The following TWF1 variants were observed in gnomAD, a reference collection of about 807,000 sequenced individuals.
TWF1 encodes the protein twinfilin actin binding protein 1, also known as twinfilin-1.
In TWF1, 14 loss-of-function variants were observed where a neutral mutation model predicts 47.9. That is an observed-to-expected ratio of 0.29 (90% CI 0.19 to 0.46). The LOEUF is 0.46. TWF1 is among the 20% of genes least tolerant of loss of function. The pLI, the probability that TWF1 is intolerant of heterozygous loss-of-function variation, is 1.00. For missense variants in TWF1, 281 were observed against 409.3 expected, an observed-to-expected ratio of 0.69 and a Z score of 2.70; for synonymous variants, 96 against 139.2, an observed-to-expected ratio of 0.69 and a Z score of 2.18.
chr12:43,796,731 G>GA, intron 8 of TWF1, among the ~76,000 whole-genome samples: 1 of 152,178 alleles, frequency 6.6e-6, no homozygotes, highest in East Asian at 1.9e-4. Context: ...GTGGAATTAA[G>GA]AAACAGAACT....
At position 43,794,168 on chromosome 12, in the gene TWF1, C is replaced by T. The variant is rs1942510122; in HGVS notation, c.*1417G>A. Reference sequence around the variant, plus strand: ...GTGTATGTGTGTCTGTCTACGTGTACACCCATGGAACAACTTATATCTTTA... The same window carrying T: ...GTGTATGTGTGTCTGTCTACGTGTATACCCATGGAACAACTTATATCTTTA... On this transcript the variant is annotated 3_prime_UTR_variant, in exon 9 of 9. Transcript: ENST00000395510. 1 of 152,572 alleles carries T rather than the reference C, an allele frequency of 6.6e-6. No homozygotes were observed. The highest frequency in any genetic ancestry group is 2.4e-5 in the African/African-American group (1 of 41,430). 9.5% of individuals were successfully genotyped at this position (152,572 alleles called of 1,614,324 possible). A position where few individuals can be genotyped will look rare whatever the true frequency, so the allele number is the denominator to read the frequency against.
At chr12:43,802,602 G>T in intron 2 of TWF1, 138 bp from the exon 3 acceptor site, 1 of 645,232 alleles carries the variant, frequency 1.5e-6, no homozygotes, top group Non-Finnish European at 2.6e-6. Context: ...AGAAAAATGT[G>T]GTAACATAGA....
chr12:43,805,308 C>CA (rs1364668422), intron 1 of TWF1, among the ~76,000 whole-genome samples: 4 of 151,638 alleles, frequency 2.6e-5, no homozygotes, highest in Non-Finnish European at 4.4e-5. Flanking sequence ...ATAAATAAAA[C>CA]AAAGTTTTCA....
chr12:43,800,526 C>T lies in TWF1; in HGVS notation c.287G>A (p.Arg96His), dbSNP rs1942640490. The change falls in exon 4 of 9, where the codon CGT (arginine) becomes CAT (histidine). Residue 96 changes from arginine (R) to histidine (H), a missense_variant. Physicochemically the swap from Arg to His is conservative, Grantham distance 29 (BLOSUM62 0). Coordinates refer to ENST00000395510, the MANE Select transcript of TWF1 (RefSeq NM_002822.5). ...IAWSPDHSHV[R>H]QKMLYAATRA... ...TGTTGCTGCATACAACATTTTTTGA[C>T]GAACCTATTCAGTTGTGAAAGTTTA... 1.9e-6 allele frequency: 3 copies of T among 1,612,208 alleles called. No homozygotes were observed. Among genetic ancestry groups the T allele is most frequent in the South Asian group, 1.1e-5 (1 of 90,854 alleles).
intron 1 of TWF1, 89 bp downstream of exon 1, chr12:43,806,132 G>T: frequency 1.3e-6 from 2 of 1,527,786 alleles, no homozygotes; most frequent in South Asian, 2.4e-5. Context: ...CTCCCGGCCC[G>T]ACTCCAGCCC....
chr12:43,798,359 C>G (rs186240111), intron 5 of TWF1, among the ~76,000 whole-genome samples: 13 of 152,060 alleles, frequency 8.5e-5, no homozygotes, highest in Non-Finnish European at 4.4e-5. Context: ...TGTGCATGTA[C>G]TGGAAGAGGA....
intron 3 of TWF1, among the ~76,000 whole-genome samples, chr12:43,801,764 T>A (rs1942665293): frequency 6.6e-6 from 1 of 152,204 alleles, no homozygotes; most frequent in Admixed American, 6.5e-5. Context: ...ACACAGTGGC[T>A]CATACCTGTA....
At chr12:43,804,732 T>G (rs2138153379) in intron 1 of TWF1, among the ~76,000 whole-genome samples, 160 bp from the exon 2 acceptor site, 1 of 152,222 alleles carries the variant, frequency 6.6e-6, no homozygotes, top group East Asian at 1.9e-4. Context: ...TAACGAAGAC[T>G]GTATACAATT....
At chr12:43,804,366 A>C (rs932300438) in intron 2 of TWF1, 129 bp downstream of exon 2, 3 of 655,868 alleles carry the variant, frequency 4.6e-6, no homozygotes, top group Admixed American at 2.9e-5. Context: ...TGAGGAATCC[A>C]AGTTACCGTA....
At chr12:43,796,764 T>C (rs1942557922) in intron 8 of TWF1, among the ~76,000 whole-genome samples, 2 of 152,176 alleles carry the variant, frequency 1.3e-5, no homozygotes, top group Non-Finnish European at 1.5e-5. Context: ...TAAAGTTAAA[T>C]AGCCACATGT....
intron 5 of TWF1, chr12:43,798,621 T>TAA (rs35482343): frequency 5.8e-3 from 7,708 of 1,330,054 alleles, no homozygotes; most frequent in Middle Eastern, 9.4e-3. Flanking sequence ...ATCAAACTCG[T>TAA]AAAAAAAAAA....
intron 4 of TWF1, 107 bp downstream of exon 4, chr12:43,800,328 A>G (rs1449152869): frequency 5.4e-6 from 4 of 743,316 alleles, no homozygotes; most frequent in African/African-American, 1.8e-5. Context: ...TCTTATTCTC[A>G]TGTTTTCAGA....
At chr12:43,801,376 C>A (rs559940773) in intron 3 of TWF1, among the ~76,000 whole-genome samples, 1 of 152,204 alleles carries the variant, frequency 6.6e-6, no homozygotes, top group South Asian at 2.1e-4. Context: ...CCCAGTATTT[C>A]TTTCAGATAG....
At chr12:43,802,562 G>A in intron 2 of TWF1, 98 bp from the exon 3 acceptor site, 1 of 893,918 alleles carries the variant, frequency 1.1e-6, no homozygotes, top group Non-Finnish European at 1.7e-6. Flanking sequence ...TCATTTCCCA[G>A]TTACTATTAT....
At position 43,795,694 on chromosome 12, in the gene TWF1, T is replaced by C. The variant is rs1942537224; in HGVS notation, c.944A>G (p.Lys315Arg). The change falls in exon 9 of 9, where the codon AAG (lysine) becomes AGG (arginine). Residue 315 changes from lysine (K) to arginine (R), a missense_variant. Physicochemically the swap from Lys to Arg is conservative, Grantham distance 26. Transcript: ENST00000395510. ...AAAACTTTGCTTGTGTGCATGCTGC[T>C]TGGGATGTACTTCTTCATAAAGGAA... The part of the protein sequence containing the change: ...ADFLYEEVHP[K>R]QHAHKQSFAK... The C allele has an allele frequency of 6.2e-7, 1 of 1,613,828 alleles. No individual in the cohort carries two copies. The highest frequency in any genetic ancestry group is 8.5e-7 in the Non-Finnish European group (1 of 1,179,888).
In TWF1 at chr12:43,795,343, C is replaced by T; in HGVS notation, c.*242G>A. 2.3e-6 allele frequency: 1 copy of T among 426,404 alleles called. No homozygotes were observed. The highest frequency in any genetic ancestry group is 3.9e-5 in the South Asian group (1 of 25,774). The allele number at this position is 426,404 out of a possible 1,614,324, so 26.4% of individuals were successfully genotyped here. On this transcript the variant is annotated 3_prime_UTR_variant, in exon 9 of 9. Transcript: ENST00000395510. ...AAGTATTTGAAGTGTGGAATCAACGCTATGAAAACAGTGTGACAAAATTAA... is the reference window on the plus strand; with the variant it reads ...AAGTATTTGAAGTGTGGAATCAACGTTATGAAAACAGTGTGACAAAATTAA...
At chr12:43,796,329 G>C (rs1384662671) in intron 8 of TWF1, among the ~76,000 whole-genome samples, 1 of 152,132 alleles carries the variant, frequency 6.6e-6, no homozygotes, top group Non-Finnish European at 1.5e-5. Context: ...AACTTAAAAA[G>C]CATGAAGGGT....
At position 43,806,256 on chromosome 12, in the gene TWF1, G is replaced by A. The variant is rs1942770657; in HGVS notation, c.-11C>T. ...GGTCTGGTGGGACATGGCGGCGGCC[G>A]CTAGCTCCCGGCTCCGGCGCTGAGT... On this transcript the variant is annotated 5_prime_UTR_variant, in exon 1 of 9. Transcript: ENST00000395510. 8 of 1,522,698 alleles carry A rather than the reference G, an allele frequency of 5.3e-6. No individual in the cohort carries two copies. The highest frequency in any genetic ancestry group is 2.6e-5 in the East Asian group (1 of 37,912). The allele number at this position is 1,522,698 out of a possible 1,614,324, so 94.3% of individuals were successfully genotyped here.
At chr12:43,805,926 A>T in intron 1 of TWF1, 7 of 1,515,540 alleles carry the variant, frequency 4.6e-6, no homozygotes, top group Non-Finnish European at 6.2e-6. Context: ...ACTGTCGGGG[A>T]CGGTGGAAGG....
Sources: gnomAD v4.1 joint callset for allele counts (sites outside exome capture counted in the v4.1 genomes callset) on GRCh38, gnomAD v4.1.1 for gene constraint, MANE v1.5 for transcripts, NCBI Gene and HGNC (gene_info 2026-07-23, HGNC 2026-07-21) for gene names.